MICU1: variants seen among roughly 807,000 people sequenced by gnomAD.
MICU1 encodes the protein mitochondrial calcium uptake 1.
A neutral mutation model predicts 56.8 loss-of-function variants in MICU1; 45 were observed. The observed-to-expected ratio is 0.79, with a 90% CI of 0.62 to 1.02. MICU1 has a LOEUF of 1.02. MICU1 is among the 50% of genes least tolerant of loss of function. The pLI is 0.00. For synonymous variants in MICU1, 186 were observed against 195.1 expected (o/e 0.95, Z 0.39); for missense variants, 504 against 587.1 (o/e 0.86, Z 1.46).
intron 3 of MICU1, chr10:72,560,555 T>C (rs938014956): frequency 8.5e-5 from 13 of 152,110 alleles, no homozygotes; most frequent in African/African-American, 3.1e-4. Flanking sequence ...TTACATAGGA[T>C]AATAGATATG....
intron 1 of MICU1, among the ~76,000 whole-genome samples, chr10:72,625,166 TGATA>T (rs1842197606): frequency 6.6e-6 from 1 of 152,176 alleles, no homozygotes; most frequent in African/African-American, 2.4e-5. Context: ...AAACATTTAT[TGATA>T]AATAGGAAGA....
At chr10:72,622,106 G>A (rs1404016972) in intron 1 of MICU1, among the ~76,000 whole-genome samples, 1 of 151,820 alleles carries the variant, frequency 6.6e-6, no homozygotes, top group African/African-American at 2.4e-5. Flanking sequence ...TGTTTTTTTA[G>A]TAGAAACGGG....
intron 11 of MICU1, among the ~76,000 whole-genome samples, chr10:72,374,629 G>A (rs1190728573): frequency 6.6e-6 from 1 of 152,040 alleles, no homozygotes; most frequent in South Asian, 2.1e-4. Flanking sequence ...GGGACCAAAA[G>A]GGAAGCTCCA....
chr10:72,477,447 C>T, intron 6 of MICU1, 191 bp from the exon 7 acceptor site: 1 of 1,465,656 alleles, frequency 6.8e-7, no homozygotes, highest in Non-Finnish European at 9.2e-7. Flanking sequence ...CTCCTTGAAA[C>T]CAAAAAAGAG....
chr10:72,447,605 G>A (rs758211412), intron 8 of MICU1, among the ~76,000 whole-genome samples: 3 of 152,012 alleles, frequency 2.0e-5, no homozygotes, highest in Admixed American at 6.6e-5. Context: ...GTTACTACTT[G>A]AAGTTTTCTA....
chr10:72,406,202 A>G (rs1351921667), intron 10 of MICU1, among the ~76,000 whole-genome samples: 2 of 152,136 alleles, frequency 1.3e-5, no homozygotes, highest in African/African-American at 4.8e-5. Flanking sequence ...AACAATTAGA[A>G]AATAAAATAA....
At chr10:72,430,775 G>A (rs1376026763) in intron 8 of MICU1, among the ~76,000 whole-genome samples, 2 of 152,100 alleles carry the variant, frequency 1.3e-5, no homozygotes, top group Non-Finnish European at 2.9e-5. Flanking sequence ...TGGCAGGCTG[G>A]TCATGAACTC....
chr10:72,421,301 G>A (rs927065218), intron 9 of MICU1, among the ~76,000 whole-genome samples: 5 of 150,630 alleles, frequency 3.3e-5, no homozygotes, highest in East Asian at 1.9e-4. Context: ...TTTCTCCCAC[G>A]CTGGAGTGAA....
At chr10:72,615,760 G>A (rs924597265) in intron 1 of MICU1, among the ~76,000 whole-genome samples, 4 of 152,110 alleles carry the variant, frequency 2.6e-5, no homozygotes, top group Non-Finnish European at 5.9e-5. Context: ...GGAGGCCGAG[G>A]AGGGTGGATC....
intron 5 of MICU1, among the ~76,000 whole-genome samples, chr10:72,531,847 AAAC>A (rs1839493785): frequency 6.6e-6 from 1 of 152,132 alleles, no homozygotes; most frequent in African/African-American, 2.4e-5. Context: ...TAAACTGATC[AAAC>A]AATAAATGAA....
At chr10:72,525,764 ATACTT>A (rs749600139) in intron 5 of MICU1, among the ~76,000 whole-genome samples, 18 of 152,204 alleles carry the variant, frequency 1.2e-4, no homozygotes, top group Non-Finnish European at 2.4e-4. Context: ...GTAGAGCTAG[ATACTT>A]TACCTATTGT....
intron 1 of MICU1, among the ~76,000 whole-genome samples, chr10:72,613,266 C>T (rs1248815902): frequency 1.5e-5 from 2 of 137,152 alleles, no homozygotes; most frequent in African/African-American, 2.8e-5. Context: ...CACTTTACCC[C>T]TAATTTTTTT....
At chr10:72,597,848 C>G (rs762666368) in intron 1 of MICU1, among the ~76,000 whole-genome samples, 4 of 152,084 alleles carry the variant, frequency 2.6e-5, no homozygotes, top group Non-Finnish European at 5.9e-5. Context: ...GTGTGTTGTG[C>G]GCCTGTGTTA....
intron 8 of MICU1, among the ~76,000 whole-genome samples, chr10:72,440,910 G>A (rs1564870410): frequency 6.6e-6 from 1 of 152,174 alleles, no homozygotes; most frequent in East Asian, 1.9e-4. Context: ...ACAGATTCTG[G>A]AGAGGATGTG....
intron 1 of MICU1, among the ~76,000 whole-genome samples, chr10:72,577,434 G>A (rs1309267065): frequency 2.0e-5 from 3 of 151,782 alleles, no homozygotes; most frequent in Non-Finnish European, 2.9e-5. Flanking sequence ...GCTTGAACCC[G>A]GGAGGCGGAG....
intron 10 of MICU1, among the ~76,000 whole-genome samples, chr10:72,381,516 G>A (rs1862703001): frequency 6.6e-6 from 1 of 152,140 alleles, no homozygotes; most frequent in South Asian, 2.1e-4. Context: ...ACATTTAGGA[G>A]AACTAGCAAT....
chr10:72,485,492 T>C (rs895246192), intron 6 of MICU1, among the ~76,000 whole-genome samples: 2 of 151,656 alleles, frequency 1.3e-5, no homozygotes, highest in African/African-American at 4.8e-5. Flanking sequence ...GGATTATATA[T>C]ATAACCCTTA....
intron 1 of MICU1, among the ~76,000 whole-genome samples, chr10:72,616,513 G>C (rs1229834822): frequency 6.6e-6 from 1 of 151,660 alleles, no homozygotes; most frequent in Non-Finnish European, 1.5e-5. Flanking sequence ...CTTGAACCTG[G>C]GAGGCAGAGG....
chr10:72,533,640 A>T (rs1839549605), intron 5 of MICU1, 106 bp downstream of exon 5: 1 of 809,424 alleles, frequency 1.2e-6, no homozygotes. Context: ...TCTTTTGGTA[A>T]GATAAACAGG....
Sources: gnomAD v4.1 joint callset for allele counts (sites outside exome capture counted in the v4.1 genomes callset) on GRCh38, gnomAD v4.1.1 for gene constraint, MANE v1.5 for transcripts, NCBI Gene and HGNC (gene_info 2026-07-23, HGNC 2026-07-21) for gene names.